The following UNK variants were observed in gnomAD, a reference collection of about 807,000 sequenced individuals.
UNK encodes unk zinc finger, also known as RING finger protein unkempt homolog.
UNK carries 32 observed loss-of-function variants against 97.6 expected under a neutral mutation model. That is an observed-to-expected ratio of 0.33 (90% CI 0.25 to 0.44). UNK has a LOEUF of 0.44. Ranked by LOEUF, UNK falls within the 20% of genes least tolerant of loss-of-function variation. UNK has a pLI of 1.00. For missense variants in UNK, 771 were observed against 1,098.4 expected, an observed-to-expected ratio of 0.70 and a Z score of 4.21; for synonymous variants, 441 against 461.2, an observed-to-expected ratio of 0.96 and a Z score of 0.56.
intron 1 of UNK, chr17:75,785,407 A>C (rs1215754513): frequency 1.3e-5 from 2 of 159,652 alleles, no homozygotes; most frequent in African/African-American, 4.8e-5. Context: ...AAGTCCTGTC[A>C]GGAGATTCCG....
chr17:75,824,495 T>G lies in UNK; in HGVS notation c.*78T>G. 2.1e-6 allele frequency: 2 copies of G among 944,706 alleles called. No individual in the cohort carries two copies. Among genetic ancestry groups the G allele is most frequent in the Non-Finnish European group, 2.7e-6 (2 of 742,938 alleles). The allele number at this position is 944,706 out of a possible 1,614,324, so 58.5% of individuals were successfully genotyped here. A position where few individuals can be genotyped will look rare whatever the true frequency, so the allele number is the denominator to read the frequency against. ...AAGTATATATATATATATGAATATA[T>G]ATATATATGTGTATGTATGTATGTA... On this transcript the variant is annotated 3_prime_UTR_variant, in exon 16 of 16. Transcript: ENST00000589666. This position sits in a 1 kb window ranked among gnomAD's most constrained non-coding sequence, Gnocchi z 4.9.
chr17:75,810,024 G>A, intron 2 of UNK, 55 bp downstream of exon 2: 2 of 1,599,768 alleles, frequency 1.3e-6, no homozygotes, highest in Non-Finnish European at 1.7e-6. Context: ...TGGGTCAGAT[G>A]CCCTCAGGGT....
intron 1 of UNK, among the ~76,000 whole-genome samples, chr17:75,801,539 A>G (rs2061857787): frequency 6.6e-6 from 1 of 151,822 alleles, no homozygotes; most frequent in South Asian, 2.1e-4. Flanking sequence ...AGAAGGAAAT[A>G]TTCCTTTAAA....
At position 75,819,112 on chromosome 17, in the gene UNK, C is replaced by A. The variant is rs1164338712; in HGVS notation, c.1546+296C>A. ...CAGTCCCCACTCATCTCACTGGTGT[C>A]CTTGTGTAGTGAATGGCCAGCACGA... On this transcript the variant is annotated intron_variant, in intron 11 of 15. Transcript: ENST00000589666. The surrounding 1 kb of genome is among the most constrained non-coding windows in gnomAD (Gnocchi z 5.4). 12 of 351,104 alleles carry A rather than the reference C, an allele frequency of 3.4e-5. No individual in the cohort carries two copies. Among genetic ancestry groups the A allele is most frequent in the Non-Finnish European group, 5.1e-5 (10 of 195,550 alleles). 21.7% of individuals were successfully genotyped at this position (351,104 alleles called of 1,614,324 possible).
chr17:75,788,342 G>A (rs1567791791), intron 1 of UNK, among the ~76,000 whole-genome samples: 1 of 152,042 alleles, frequency 6.6e-6, no homozygotes, highest in Admixed American at 6.6e-5. Context: ...ACCATGGCTG[G>A]CTAATTTTTG....
chr17:75,794,145 T>C, intron 1 of UNK: 1 of 976,140 alleles, frequency 1.0e-6, no homozygotes, highest in Non-Finnish European at 1.2e-6. Context: ...AAGAGTACTT[T>C]ATAATGAATA....
rs778598655 is a variant in UNK at position 75,813,712 on chromosome 17, G to A, written c.759-49G>A. 4.5e-5 allele frequency: 68 copies of A among 1,506,482 alleles called. 1 individual carries two copies. The highest frequency in any genetic ancestry group is 5.5e-5 in the Non-Finnish European group (61 of 1,113,022). The allele number at this position is 1,506,482 out of a possible 1,614,324, so 93.3% of individuals were successfully genotyped here. ...GTCCAGGTGGCACCTGCTAGGCTCC[G>A]ATCTCACCTTCTCCTTTCTCCATCT... On this transcript the variant is annotated intron_variant, in intron 5 of 15. Coordinates refer to ENST00000589666, the MANE Select transcript of UNK (RefSeq NM_001080419.3).
At chr17:75,787,001 T>C (rs1271301312) in intron 1 of UNK, among the ~76,000 whole-genome samples, 1 of 152,138 alleles carries the variant, frequency 6.6e-6, no homozygotes, top group Non-Finnish European at 1.5e-5. Context: ...AGGTTGTAGG[T>C]GTTCTTATCT....
chr17:75,791,005 T>TTTTG (rs1212353359), intron 1 of UNK, among the ~76,000 whole-genome samples: 17 of 152,138 alleles, frequency 1.1e-4, no homozygotes, highest in Non-Finnish European at 2.1e-4. Flanking sequence ...GACCTCATTG[T>TTTTG]TTTGACCCCA....
At chr17:75,814,020 C>G in intron 6 of UNK, 142 bp downstream of exon 6, 6 of 708,750 alleles carry the variant, frequency 8.5e-6, no homozygotes, top group Non-Finnish European at 4.6e-6. Flanking sequence ...CTGGCAGTGC[C>G]TAGAGGATCC....
At chr17:75,815,046 G>C (rs534237979) in intron 6 of UNK, 123 bp from the exon 7 acceptor site, 1 of 787,310 alleles carries the variant, frequency 1.3e-6, no homozygotes, top group Non-Finnish European at 2.1e-6. Context: ...GTGGAGGGGA[G>C]GGGAGGGGCC....
chr17:75,816,940 G>A lies in UNK; in HGVS notation c.1104+28G>A, dbSNP rs1489769183. 7.6e-6 allele frequency: 12 copies of A among 1,586,592 alleles called. No homozygotes were observed. In the Admixed American group the frequency reaches 8.7e-5, roughly 11 times the overall value. On this transcript the variant is annotated intron_variant, in intron 8 of 15. Transcript: ENST00000589666. The surrounding 1 kb of genome is among the most constrained non-coding windows in gnomAD (Gnocchi z 4.0). Reference sequence around the variant, plus strand: ...ACGTGTCCATCCTGGGGAGTGGGTGGGCACCATGCCTGACAGAGCCAATAC... The same window carrying A: ...ACGTGTCCATCCTGGGGAGTGGGTGAGCACCATGCCTGACAGAGCCAATAC...
chr17:75,817,841 C>G lies in UNK; in HGVS notation c.1306-262C>G, dbSNP rs374782575. Among the ~76,000 whole-genome samples, 11 of 152,128 alleles carry G rather than the reference C, an allele frequency of 7.2e-5. No individual in the cohort carries two copies. The highest frequency in any genetic ancestry group is 2.7e-4 in the African/African-American group (11 of 41,486). On this transcript the variant is annotated intron_variant, in intron 9 of 15. Transcript: ENST00000589666. This position sits in a 1 kb window ranked among gnomAD's most constrained non-coding sequence, Gnocchi z 5.8. ...AGACAGGGCCTGGGGAAGCAGGACACAGGGGTCCCTAACTGGGCCTGGAGA... is the reference window on the plus strand; with the variant it reads ...AGACAGGGCCTGGGGAAGCAGGACAGAGGGGTCCCTAACTGGGCCTGGAGA...
chr17:75,803,726 G>A (rs2061884780), intron 1 of UNK, among the ~76,000 whole-genome samples: 1 of 152,202 alleles, frequency 6.6e-6, no homozygotes, highest in Non-Finnish European at 1.5e-5. Flanking sequence ...AGAAATAGAA[G>A]CTGAATATTC....
intron 1 of UNK, chr17:75,794,035 G>T: frequency 2.0e-6 from 2 of 985,274 alleles, no homozygotes; most frequent in Non-Finnish European, 2.4e-6. Context: ...GTCACTTCAG[G>T]ATTTGTGTGA....
chr17:75,792,953 G>T (rs1321140505), intron 1 of UNK, among the ~76,000 whole-genome samples: 1 of 152,248 alleles, frequency 6.6e-6, no homozygotes, highest in East Asian at 1.9e-4. Flanking sequence ...CCTGTGGTTT[G>T]CGCAAAGCTC....
chr17:75,818,888 A>T lies in UNK; in HGVS notation c.1546+72A>T, dbSNP rs115346448. The T allele has an allele frequency of 6.8e-4, 983 of 1,445,634 alleles. 2 individuals carry two copies. The African/African-American group carries it at 0.012, about 18-fold the overall frequency. 89.6% of individuals were successfully genotyped at this position (1,445,634 alleles called of 1,614,324 possible). On this transcript the variant is annotated intron_variant, in intron 11 of 15. Coordinates refer to ENST00000589666, the MANE Select transcript of UNK (RefSeq NM_001080419.3). This position sits in a 1 kb window ranked among gnomAD's most constrained non-coding sequence, Gnocchi z 5.1. Reference sequence around the variant, plus strand: ...CAGAGACCCCCCAGTCTCTGAAGCGAGTCTCAAATCAGCACACCAGACCCC... The same window carrying T: ...CAGAGACCCCCCAGTCTCTGAAGCGTGTCTCAAATCAGCACACCAGACCCC...
At chr17:75,821,267 G>C in intron 13 of UNK, 1 of 399,454 alleles carries the variant, frequency 2.5e-6, no homozygotes, top group Non-Finnish European at 5.1e-6. Context: ...ACTCCTTCCT[G>C]CACCATGTGA....
At chr17:75,809,713 C>A (rs1464476410) in intron 1 of UNK, 47 bp from the exon 2 acceptor site, 8 of 1,549,358 alleles carry the variant, frequency 5.2e-6, no homozygotes, top group Non-Finnish European at 7.0e-6. Context: ...AAGCAAGAGA[C>A]TTCATTCTCT....
Sources: allele counts gnomAD v4.1 joint callset (sites outside exome capture counted in the v4.1 genomes callset), GRCh38; gene constraint gnomAD v4.1.1; non-coding constraint Gnocchi (gnomAD v3.1); transcripts MANE v1.5; gene names NCBI Gene and HGNC (gene_info 2026-07-23, HGNC 2026-07-21).